COBLL1: variants seen among roughly 807,000 people sequenced by gnomAD.
The protein encoded by COBLL1 is cordon-bleu protein-like 1.
COBLL1 carries 50 observed loss-of-function variants against 94.8 expected under a neutral mutation model. That is an observed-to-expected ratio of 0.53 (90% CI 0.42 to 0.67). COBLL1 has a LOEUF of 0.67. COBLL1 is among the 30% of genes least tolerant of loss of function. The probability of loss-of-function intolerance (pLI) is 0.00; values close to 1 mark genes in which losing one functional copy is unlikely to be tolerated. For synonymous variants in COBLL1, 448 were observed against 473.8 expected (o/e 0.95, Z 0.71); for missense variants, 1,362 against 1,348.7 (o/e 1.01, Z -0.15).
chr2:164,770,319 AC>A (rs1688145531), intron 2 of COBLL1, among the ~76,000 whole-genome samples: 1 of 152,068 alleles, frequency 6.6e-6, no homozygotes. Flanking sequence ...GAAAAAAAAA[AC>A]ACACAATACA....
chr2:164,772,907 A>C (rs1688274393), intron 2 of COBLL1, among the ~76,000 whole-genome samples: 1 of 152,080 alleles, frequency 6.6e-6, no homozygotes, highest in South Asian at 2.1e-4. Flanking sequence ...GTTTAGCAAA[A>C]TTATATGTAA....
intron 2 of COBLL1, among the ~76,000 whole-genome samples, chr2:164,792,282 C>T (rs919977084): frequency 2.0e-5 from 3 of 152,004 alleles, no homozygotes; most frequent in Non-Finnish European, 2.9e-5. Flanking sequence ...GTGTGCACCA[C>T]CACACCTGGC....
chr2:164,702,558 C>CAAAAAAAAAAAAA (rs56011410), intron 9 of COBLL1, among the ~76,000 whole-genome samples: 3 of 82,144 alleles, frequency 3.7e-5, no homozygotes, highest in South Asian at 4.4e-4. Context: ...TGAGACTCCT[C>CAAAAAAAAAAAAA]AAAAAAAAAA....
chr2:164,810,162 T>TA (rs1267846667), intron 2 of COBLL1, among the ~76,000 whole-genome samples: 1 of 151,684 alleles, frequency 6.6e-6, no homozygotes, highest in Non-Finnish European at 1.5e-5. Flanking sequence ...ATAATTCTAG[T>TA]AAAAAGAAAC....
intron 12 of COBLL1, 27 bp from the exon 13 acceptor site, chr2:164,692,424 T>C (rs1242643609): frequency 3.2e-6 from 5 of 1,558,450 alleles, no homozygotes; most frequent in East Asian, 2.3e-5. Flanking sequence ...GAAATATTTA[T>C]ATGAATGCCA....
chr2:164,672,392 T>A (rs1022842935), intron 1 of COBLL1, among the ~76,000 whole-genome samples: 1 of 152,134 alleles, frequency 6.6e-6, no homozygotes. Context: ...GGTTTTTTTC[T>A]TCTTCCCTTA....
chr2:164,788,732 T>C (rs1350481261), intron 2 of COBLL1, among the ~76,000 whole-genome samples: 1 of 151,792 alleles, frequency 6.6e-6, no homozygotes, highest in East Asian at 1.9e-4. Context: ...CTCACACCTG[T>C]AATCTCAGCA....
At chr2:164,702,256 C>T (rs190239340) in intron 9 of COBLL1, among the ~76,000 whole-genome samples, 7 of 151,948 alleles carry the variant, frequency 4.6e-5, no homozygotes, top group Non-Finnish European at 7.4e-5. Flanking sequence ...GTGTTAAGAA[C>T]GTATTTATAT....
Position 164,727,244 on chromosome 2 carries a change from C to T in COBLL1, c.661+725G>A, listed in dbSNP as rs1276573175. On this transcript the variant is annotated intron_variant, in intron 5 of 13. Transcript: ENST00000652658. ...AGTTGAAAAAGTAGTCTATGGATTA[C>T]ATAAAGCCACCACCTCAGGATAAAT... The T allele has an allele frequency of 7.3e-6, 4 of 548,662 alleles. No individual in the cohort carries two copies. The African/African-American group carries it at 7.8e-5, about 11-fold the overall frequency. The allele number at this position is 548,662 out of a possible 1,614,324, so 34.0% of individuals were successfully genotyped here.
At chr2:164,818,119 C>A (rs562989964) in intron 2 of COBLL1, among the ~76,000 whole-genome samples, 2 of 150,550 alleles carry the variant, frequency 1.3e-5, no homozygotes, top group Admixed American at 1.3e-4. Flanking sequence ...TACACGTGTG[C>A]ATGTACATAT....
At chr2:164,744,563 A>G (rs897976341) in intron 2 of COBLL1, among the ~76,000 whole-genome samples, 1 of 152,190 alleles carries the variant, frequency 6.6e-6, no homozygotes, top group Non-Finnish European at 1.5e-5. Flanking sequence ...GGCACACAGC[A>G]GAGATTCCAG....
At chr2:164,814,710 A>G (rs559574440) in intron 2 of COBLL1, among the ~76,000 whole-genome samples, 20 of 152,306 alleles carry the variant, frequency 1.3e-4, no homozygotes, top group South Asian at 4.1e-4. Context: ...GAATTTGCCT[A>G]TATCATATAA....
At chr2:164,697,496 G>T (rs1483502206) in intron 11 of COBLL1, 1 of 152,072 alleles carries the variant, frequency 6.6e-6, no homozygotes, top group African/African-American at 2.4e-5. Context: ...AAGAATTTAA[G>T]AAACAATCTC....
At chr2:164,674,173 G>A (rs2105389262) in intron 1 of COBLL1, among the ~76,000 whole-genome samples, 1 of 152,188 alleles carries the variant, frequency 6.6e-6, no homozygotes, top group South Asian at 2.1e-4. Flanking sequence ...TGATTCTCCT[G>A]CTTCAGCCTC....
chr2:164,777,510 C>T (rs957455288), intron 2 of COBLL1, among the ~76,000 whole-genome samples: 1 of 152,102 alleles, frequency 6.6e-6, no homozygotes, highest in African/African-American at 2.4e-5. Context: ...GGATTCCAGG[C>T]AGCATTAAGG....
At chr2:164,808,199 C>T (rs1272813155) in intron 2 of COBLL1, among the ~76,000 whole-genome samples, 1 of 152,166 alleles carries the variant, frequency 6.6e-6, no homozygotes, top group Non-Finnish European at 1.5e-5. Context: ...ACTAGACTTT[C>T]CTTCTGACCC....
intron 2 of COBLL1, among the ~76,000 whole-genome samples, chr2:164,778,155 G>C (rs1688560870): frequency 6.6e-6 from 1 of 152,152 alleles, no homozygotes; most frequent in South Asian, 2.1e-4. Context: ...CTGATCAGGG[G>C]AAACTCACTC....
chr2:164,800,556 T>C lies in COBLL1; in HGVS notation c.41+40600A>G, dbSNP rs62173958. ...TACCATGACCCAGCAATCTCTCTCC[T>C]AGGCAGCATAAAAAAGAAATCAAAA... is the stretch of plus-strand genomic sequence containing the variant. On this transcript the variant is annotated intron_variant, in intron 2 of 13. Coordinates refer to ENST00000652658, the MANE Select transcript of COBLL1 (RefSeq NM_001365672.2). The C allele has an allele frequency of 0.13, 89,744 of 701,056 alleles. 7,196 individuals carry two copies. The highest frequency in any genetic ancestry group is 0.19 in the Admixed American group (9,670 of 49,810). The allele number at this position is 701,056 out of a possible 1,614,324, so 43.4% of individuals were successfully genotyped here.
intron 2 of COBLL1, among the ~76,000 whole-genome samples, chr2:164,813,439 T>C (rs559945142): frequency 1.2e-4 from 18 of 152,244 alleles, no homozygotes; most frequent in African/African-American, 3.8e-4. Flanking sequence ...CTTTTTTAGC[T>C]AAACAGATAG....
Sources: gnomAD v4.1 joint callset for allele counts (sites outside exome capture counted in the v4.1 genomes callset) on GRCh38, gnomAD v4.1.1 for gene constraint, MANE v1.5 for transcripts, NCBI Gene and HGNC (gene_info 2026-07-23, HGNC 2026-07-21) for gene names.